HS6ST3: variants seen among roughly 807,000 people sequenced by gnomAD.
HS6ST3 encodes the protein heparan sulfate 6-O-sulfotransferase 3.
HS6ST3 carries 12 observed loss-of-function variants against 36.7 expected under a neutral mutation model. That is an observed-to-expected ratio of 0.33 (90% CI 0.21 to 0.53). HS6ST3 has a LOEUF of 0.53. HS6ST3 is among the 20% of genes least tolerant of loss of function. HS6ST3 has a pLI of 0.95. For missense variants in HS6ST3, 584 were observed against 640.9 expected, an observed-to-expected ratio of 0.91 and a Z score of 0.96; for synonymous variants, 240 against 257.5, an observed-to-expected ratio of 0.93 and a Z score of 0.65.
chr13:96,738,178 G>A (rs530627436), intron 1 of HS6ST3, among the ~76,000 whole-genome samples: 340 of 152,280 alleles, frequency 2.2e-3, no homozygotes, highest in Non-Finnish European at 4.1e-3. Context: ...CACACCCTAT[G>A]TTCACCAAAG....
intron 1 of HS6ST3, among the ~76,000 whole-genome samples, chr13:96,720,299 A>G (rs929986670): frequency 1.3e-5 from 2 of 152,286 alleles, no homozygotes; most frequent in African/African-American, 4.8e-5. Context: ...TGTCTTACTC[A>G]TAGTAACTTG....
chr13:96,392,471 C>T (rs865834415), intron 1 of HS6ST3, among the ~76,000 whole-genome samples: 4 of 152,034 alleles, frequency 2.6e-5, no homozygotes, highest in African/African-American at 4.8e-5. Context: ...AAAGAGAACA[C>T]GACCCCATGA....
At chr13:96,540,138 A>G (rs2056172270) in intron 1 of HS6ST3, among the ~76,000 whole-genome samples, 1 of 152,196 alleles carries the variant, frequency 6.6e-6, no homozygotes, top group Admixed American at 6.5e-5. Flanking sequence ...TAAAGTTTTG[A>G]ATTTTTCCTG....
chr13:96,821,691 A>G (rs970952127), intron 1 of HS6ST3, among the ~76,000 whole-genome samples: 5 of 152,180 alleles, frequency 3.3e-5, no homozygotes, highest in Non-Finnish European at 5.9e-5. Flanking sequence ...CTCAGAGACA[A>G]TCTTTGTTTG....
At chr13:96,522,311 A>G (rs574674710) in intron 1 of HS6ST3, among the ~76,000 whole-genome samples, 10 of 152,320 alleles carry the variant, frequency 6.6e-5, no homozygotes, top group Admixed American at 6.5e-4. Context: ...TGGTGCTGAG[A>G]AGAACGTATA....
intron 1 of HS6ST3, among the ~76,000 whole-genome samples, chr13:96,789,949 G>C (rs1234959348): frequency 6.6e-6 from 1 of 151,614 alleles, no homozygotes; most frequent in Non-Finnish European, 1.5e-5. Flanking sequence ...CTGTAAGTTT[G>C]TTTCCTATGA....
intron 1 of HS6ST3, among the ~76,000 whole-genome samples, chr13:96,317,376 A>AAT (rs1407020827): frequency 0.061 from 444 of 7,298 alleles, 4 homozygotes; most frequent in Non-Finnish European, 0.14. Context: ...ATAAAATTAT[A>AAT]TATATATATA....
intron 1 of HS6ST3, among the ~76,000 whole-genome samples, chr13:96,123,077 T>C (rs954650492): frequency 6.6e-6 from 1 of 152,200 alleles, no homozygotes; most frequent in Non-Finnish European, 1.5e-5. Context: ...TTTATTCCAT[T>C]ATATACCCCA....
intron 1 of HS6ST3, among the ~76,000 whole-genome samples, chr13:96,596,652 A>G (rs2056402632): frequency 6.6e-6 from 1 of 152,082 alleles, no homozygotes; most frequent in Non-Finnish European, 1.5e-5. Context: ...AATAATGGCC[A>G]TTATGCTATT....
At chr13:96,415,750 A>C (rs761743690) in intron 1 of HS6ST3, among the ~76,000 whole-genome samples, 1 of 152,210 alleles carries the variant, frequency 6.6e-6, no homozygotes, top group Non-Finnish European at 1.5e-5. Context: ...CTGCAAATGA[A>C]CTGGAACAGG....
intron 1 of HS6ST3, among the ~76,000 whole-genome samples, chr13:96,251,251 G>A (rs1355232182): frequency 6.6e-6 from 1 of 152,070 alleles, no homozygotes; most frequent in Non-Finnish European, 1.5e-5. Flanking sequence ...AAAAATTACT[G>A]ATTTAATCTC....
At chr13:96,646,777 G>A (rs185191011) in intron 1 of HS6ST3, among the ~76,000 whole-genome samples, 25 of 152,060 alleles carry the variant, frequency 1.6e-4, no homozygotes, top group Non-Finnish European at 2.8e-4. Context: ...GACCCCAAAC[G>A]GTGAGACAGA....
intron 1 of HS6ST3, among the ~76,000 whole-genome samples, chr13:96,100,769 C>A (rs2053814567): frequency 6.6e-6 from 1 of 152,110 alleles, no homozygotes; most frequent in East Asian, 1.9e-4. Context: ...TTCAGCAAGT[C>A]AGAGAAAGAT....
chr13:96,549,489 A>G (rs2056210662), intron 1 of HS6ST3, among the ~76,000 whole-genome samples: 1 of 152,186 alleles, frequency 6.6e-6, no homozygotes, highest in Non-Finnish European at 1.5e-5. Context: ...GCAGGCTTGA[A>G]TAGAAATTGT....
rs575535235 is a variant in HS6ST3, at chr13:96,257,923, T to C, written c.707+166354T>C. On this transcript the variant is annotated intron_variant, in intron 1 of 1. Transcript: ENST00000376705. ...GTATAATGAACCCAAAAGACAAACGTCATTTTTTCCTTTGCTTTATTCTTT... is the reference window on the plus strand; with the variant it reads ...GTATAATGAACCCAAAAGACAAACGCCATTTTTTCCTTTGCTTTATTCTTT... Among the ~76,000 whole-genome samples, 188 of 152,332 alleles carry C rather than the reference T, an allele frequency of 1.2e-3. 1 individual carries two copies. Among genetic ancestry groups the C allele is most frequent in the Middle Eastern group, 3.4e-3 (1 of 294 alleles).
At chr13:96,514,577 A>G (rs1417637950) in intron 1 of HS6ST3, among the ~76,000 whole-genome samples, 2 of 152,196 alleles carry the variant, frequency 1.3e-5, no homozygotes, top group Non-Finnish European at 2.9e-5. Flanking sequence ...AGAGGAGGTC[A>G]TGTGAGCACA....
chr13:96,239,349 G>A (rs11617272), intron 1 of HS6ST3, among the ~76,000 whole-genome samples: 53,749 of 152,054 alleles, frequency 0.35, 10,758 homozygotes, highest in Non-Finnish European at 0.46. Flanking sequence ...GCCTTAGAGT[G>A]TTAATATGAA....
At chr13:96,370,740 T>C (rs1479535240) in intron 1 of HS6ST3, among the ~76,000 whole-genome samples, 1 of 152,022 alleles carries the variant, frequency 6.6e-6, no homozygotes, top group African/African-American at 2.4e-5. Flanking sequence ...GGCGAAACTC[T>C]GTCTCTACTA....
At chr13:96,740,073 C>T (rs1876397455) in intron 1 of HS6ST3, among the ~76,000 whole-genome samples, 1 of 152,148 alleles carries the variant, frequency 6.6e-6, no homozygotes, top group Non-Finnish European at 1.5e-5. Context: ...TCCCTACCTA[C>T]AGTCTCTGTT....
Sources: gnomAD v4.1 joint callset for allele counts (sites outside exome capture counted in the v4.1 genomes callset) on GRCh38, gnomAD v4.1.1 for gene constraint, MANE v1.5 for transcripts, NCBI Gene and HGNC (gene_info 2026-07-23, HGNC 2026-07-21) for gene names.